Variants in CA5B observed in about 807,000 individuals in gnomAD.
The protein encoded by CA5B is carbonic anhydrase 5B.
Under a neutral mutation model 23.1 loss-of-function variants are expected in CA5B, and 15 were observed. That is an observed-to-expected ratio of 0.65 (90% CI 0.43 to 1.00). The LOEUF is 1.00. Among genes scored for constraint, CA5B ranks in the 50% least tolerant of loss-of-function variants. The pLI, the probability that CA5B is intolerant of heterozygous loss-of-function variation, is 0.00. For missense variants in CA5B, 236 were observed against 252.2 expected (o/e 0.94, Z 0.43); for synonymous variants, 84 against 98.5 (o/e 0.85, Z 0.87).
intron 1 of CA5B, among the ~76,000 whole-genome samples, chrX:15,740,577 G>A (rs184648957): frequency 8.9e-5 from 10 of 112,146 alleles, no homozygotes; most frequent in African/African-American, 2.6e-4. Context: ...GCCTTTGACC[G>A]TTCTCAGTCT....
chrX:15,755,987 T>C (rs1931479615), intron 2 of CA5B, among the ~76,000 whole-genome samples: 1 of 112,144 alleles, frequency 8.9e-6, no homozygotes, highest in African/African-American at 3.2e-5. Context: ...TTCCTGGTAT[T>C]GTACATTTAT....
In CA5B at chrX:15,782,876, A is replaced by T. The variant is rs774950288; in HGVS notation, c.*212A>T. 2 of 339,308 alleles carry T rather than the reference A, an allele frequency of 5.9e-6. No individual in the cohort carries two copies. Among genetic ancestry groups the T allele is most frequent in the African/African-American group, 5.5e-5 (2 of 36,563 alleles). The allele number at this position is 339,308 out of a possible 1,213,427, so 28.0% of individuals were successfully genotyped here. ...TTACAGATACCTGTTGGTAATTGTA[A>T]TGCCTTTTTTTTTTCTTTAAGAGAC... On this transcript the variant is annotated 3_prime_UTR_variant, in exon 8 of 8. Coordinates refer to ENST00000318636, the MANE Select transcript of CA5B (RefSeq NM_007220.4).
chrX:15,749,979 G>A lies in CA5B; in HGVS notation c.-45G>A. 8.3e-7 allele frequency: 1 copy of A among 1,199,598 alleles called. No individual in the cohort carries two copies. The highest frequency in any genetic ancestry group is 1.1e-6 in the Non-Finnish European group (1 of 888,497). On this transcript the variant is annotated 5_prime_UTR_variant, in exon 2 of 8. Coordinates refer to ENST00000318636, the MANE Select transcript of CA5B (RefSeq NM_007220.4). ...TGCCCTCATCCCTCTAGATTATTAA[G>A]TTCCTGCAACTTAACTGGGAACTGA...
At chrX:15,745,133 C>T (rs1213155006) in intron 1 of CA5B, among the ~76,000 whole-genome samples, 10 of 96,534 alleles carry the variant, frequency 1.0e-4, no homozygotes, top group African/African-American at 3.9e-4. Flanking sequence ...CGCACCACTG[C>T]ACTCCAGCCT....
chrX:15,742,425 G>A (rs1931140071), intron 1 of CA5B, among the ~76,000 whole-genome samples: 1 of 112,567 alleles, frequency 8.9e-6, no homozygotes, highest in Non-Finnish European at 1.9e-5. Flanking sequence ...CCAGGCTGGA[G>A]TGCGGTGGCG....
chrX:15,750,489 C>T (rs769316358), intron 2 of CA5B: 19 of 168,518 alleles, frequency 1.1e-4, no homozygotes, highest in Non-Finnish European at 1.7e-4. Flanking sequence ...AGACAGATCC[C>T]GGTTTTTAAT....
intron 2 of CA5B, among the ~76,000 whole-genome samples, chrX:15,753,628 G>A (rs1447130496): frequency 8.9e-6 from 1 of 112,586 alleles, no homozygotes; most frequent in Non-Finnish European, 1.9e-5. Context: ...TTGGGGTAAG[G>A]CTGGGTACAG....
At chrX:15,763,723 A>G (rs1251175414) in intron 2 of CA5B, among the ~76,000 whole-genome samples, 1 of 112,367 alleles carries the variant, frequency 8.9e-6, no homozygotes, top group Non-Finnish European at 1.9e-5. Context: ...GGGAAGTCCC[A>G]TGACAGGCCA....
chrX:15,787,869 G>C lies in CA5B; in HGVS notation c.*5205G>C, dbSNP rs758768071. On this transcript the variant is annotated 3_prime_UTR_variant, in exon 8 of 8. Transcript: ENST00000318636. Reference sequence around the variant, plus strand: ...CGCAGGAGGCTGAGGCAGAAGAATCGCTTGAGCCCAGGAGGCGGAGGTTGC... The same window carrying C: ...CGCAGGAGGCTGAGGCAGAAGAATCCCTTGAGCCCAGGAGGCGGAGGTTGC... 8.9e-6 allele frequency: 1 copy of C among 112,500 alleles called. No homozygotes were observed. Among genetic ancestry groups the C allele is most frequent in the Non-Finnish European group, 1.9e-5 (1 of 53,321 alleles). The allele number at this position is 112,500 out of a possible 1,213,427, so 9.3% of individuals were successfully genotyped here.
At chrX:15,775,714 G>A (rs1376527131) in intron 6 of CA5B, 9 of 754,482 alleles carry the variant, frequency 1.2e-5, no homozygotes, top group African/African-American at 4.6e-5. Flanking sequence ...CCTTCAGGTC[G>A]GATGCCTTTG....
intron 2 of CA5B, among the ~76,000 whole-genome samples, chrX:15,756,980 G>C (rs1417711165): frequency 9.3e-6 from 1 of 107,638 alleles, no homozygotes; most frequent in African/African-American, 3.4e-5. Flanking sequence ...GCAGGAACCG[G>C]GGAGGCAGAG....
intron 1 of CA5B, among the ~76,000 whole-genome samples, chrX:15,746,696 G>T (rs925198598): frequency 9.0e-6 from 1 of 111,194 alleles, no homozygotes; most frequent in African/African-American, 3.3e-5. Flanking sequence ...AGATAATTTC[G>T]CGGGTAAGGG....
At chrX:15,754,547 C>CCT (rs1207812371) in intron 2 of CA5B, among the ~76,000 whole-genome samples, 1 of 111,888 alleles carries the variant, frequency 8.9e-6, no homozygotes. Flanking sequence ...TGTTGATAGT[C>CCT]CTAACTTTGG....
chrX:15,752,845 G>A (rs1220860738), intron 2 of CA5B, among the ~76,000 whole-genome samples: 1 of 111,596 alleles, frequency 9.0e-6, no homozygotes, highest in Non-Finnish European at 1.9e-5. Flanking sequence ...TCTAAGGGCA[G>A]CTACTATAAG....
intron 3 of CA5B, among the ~76,000 whole-genome samples, chrX:15,770,001 C>T (rs911166859): frequency 3.6e-5 from 4 of 111,962 alleles, no homozygotes; most frequent in African/African-American, 9.7e-5. Context: ...AATCCTTTCT[C>T]ATCTTAGAGC....
chrX:15,776,338 CAAAAA>C (rs1204466142), intron 6 of CA5B, among the ~76,000 whole-genome samples: 1 of 43,676 alleles, frequency 2.3e-5, no homozygotes, highest in Admixed American at 2.9e-4. Flanking sequence ...GACTCTGTCT[CAAAAA>C]AAAAAAAAAA....
At chrX:15,747,473 C>T (rs1384118259) in intron 1 of CA5B, among the ~76,000 whole-genome samples, 3 of 108,372 alleles carry the variant, frequency 2.8e-5, no homozygotes, top group Non-Finnish European at 3.8e-5. Flanking sequence ...GATAGGATGT[C>T]TGGGAATTTG....
At chrX:15,750,409 G>A (rs1445904507) in intron 2 of CA5B, 2 of 282,426 alleles carry the variant, frequency 7.1e-6, no homozygotes, top group Non-Finnish European at 1.2e-5. Flanking sequence ...ATTCATGAAA[G>A]TAAATGTAGA....
intron 1 of CA5B, among the ~76,000 whole-genome samples, chrX:15,745,168 CAAAAA>C (rs371053756): frequency 2.9e-5 from 1 of 34,333 alleles, no homozygotes; most frequent in African/African-American, 1.1e-4. Flanking sequence ...GACTCTGTCT[CAAAAA>C]AAAAAAAAAA....
Sources: allele counts gnomAD v4.1 joint callset (sites outside exome capture counted in the v4.1 genomes callset), GRCh38; gene constraint gnomAD v4.1.1; transcripts MANE v1.5; gene names NCBI Gene and HGNC (gene_info 2026-07-23, HGNC 2026-07-21).